Variants in CREB5 observed in about 807,000 individuals in gnomAD.
CREB5 encodes cAMP responsive element binding protein 5.
CREB5 carries 19 observed loss-of-function variants against 57.1 expected under a neutral mutation model. The observed-to-expected ratio is 0.33, with a 90% CI of 0.23 to 0.49. CREB5 has a LOEUF of 0.49. Among genes scored for constraint, CREB5 ranks in the 20% least tolerant of loss-of-function variants. The probability of loss-of-function intolerance (pLI) is 0.99; values close to 1 mark genes in which losing one functional copy is unlikely to be tolerated. For synonymous variants in CREB5, 238 were observed against 238.3 expected (o/e 1.00, Z 0.01); for missense variants, 579 against 671.6 (o/e 0.86, Z 1.52).
intron 5 of CREB5, among the ~76,000 whole-genome samples, chr7:28,658,360 C>T (rs1007332676): frequency 2.0e-5 from 3 of 152,168 alleles, no homozygotes; most frequent in Admixed American, 2.0e-4. Context: ...TCCTATCTAC[C>T]TCTGCCCATG....
At chr7:28,385,668 C>A (rs1413542476) in intron 1 of CREB5, among the ~76,000 whole-genome samples, 3 of 144,520 alleles carry the variant, frequency 2.1e-5, no homozygotes, top group African/African-American at 7.4e-5. Context: ...CAGAAAGAGA[C>A]CCTGTCTCAA....
At chr7:28,788,917 G>A (rs4722852) in intron 7 of CREB5, among the ~76,000 whole-genome samples, 38,217 of 151,768 alleles carry the variant, frequency 0.25, 4,946 homozygotes, top group African/African-American at 0.32. Flanking sequence ...CTCCCTAGAG[G>A]GAAATAAGAG....
intron 1 of CREB5, among the ~76,000 whole-genome samples, chr7:28,448,724 G>A (rs903363689): frequency 1.3e-5 from 2 of 152,354 alleles, no homozygotes; most frequent in African/African-American, 4.8e-5. Flanking sequence ...CACAGGAGGA[G>A]GAATTGACGA....
intron 3 of CREB5, among the ~76,000 whole-genome samples, chr7:28,495,963 G>A (rs924846126): frequency 2.0e-5 from 3 of 150,980 alleles, no homozygotes; most frequent in Non-Finnish European, 4.4e-5. Context: ...GAGGTAGTAC[G>A]GCAAATTAGA....
chr7:28,630,212 A>G (rs1798151741), intron 5 of CREB5, among the ~76,000 whole-genome samples: 1 of 152,144 alleles, frequency 6.6e-6, no homozygotes, highest in South Asian at 2.1e-4. Flanking sequence ...AAGCCCATCA[A>G]TCTCTTCTCC....
intron 1 of CREB5, among the ~76,000 whole-genome samples, chr7:28,472,559 C>T (rs1470301831): frequency 6.6e-6 from 1 of 152,192 alleles, no homozygotes; most frequent in Non-Finnish European, 1.5e-5. Flanking sequence ...GCTAGGACAA[C>T]ATTCTTACTT....
chr7:28,600,296 G>C (rs1254888188), intron 5 of CREB5, among the ~76,000 whole-genome samples: 1 of 152,106 alleles, frequency 6.6e-6, no homozygotes, highest in East Asian at 1.9e-4. Flanking sequence ...AAAAACCATC[G>C]ACTGTCCTGA....
intron 5 of CREB5, among the ~76,000 whole-genome samples, chr7:28,643,756 G>GC (rs1478078632): frequency 3.6e-5 from 3 of 82,240 alleles, no homozygotes; most frequent in Non-Finnish European, 7.0e-5. Flanking sequence ...GGAGGTGGGG[G>GC]GGGGCGGAAG....
chr7:28,824,991 A>T lies in CREB5; in HGVS notation c.*5712A>T, dbSNP rs1583829652. 3 of 152,662 alleles carry T rather than the reference A, an allele frequency of 2.0e-5. No individual in the cohort carries two copies. The South Asian group carries it at 6.2e-4, about 32-fold the overall frequency. 9.5% of individuals were successfully genotyped at this position (152,662 alleles called of 1,614,324 possible). A position where few individuals can be genotyped will look rare whatever the true frequency, so the allele number is the denominator to read the frequency against. ...TCTAAGCCATTTAAGATATTCTTAC[A>T]TTGAGCTTCATATTATAGAACTTTA... On this transcript the variant is annotated 3_prime_UTR_variant, in exon 11 of 11. Transcript: ENST00000357727.
intron 7 of CREB5, among the ~76,000 whole-genome samples, chr7:28,786,881 T>C (rs1807361084): frequency 6.6e-6 from 1 of 152,162 alleles, no homozygotes; most frequent in African/African-American, 2.4e-5. Flanking sequence ...GACAAGAGAA[T>C]GTCAGGGCTA....
At chr7:28,733,975 T>C (rs1199755531) in intron 7 of CREB5, among the ~76,000 whole-genome samples, 1 of 152,050 alleles carries the variant, frequency 6.6e-6, no homozygotes, top group East Asian at 1.9e-4. Context: ...GATAAGTAGG[T>C]GGGATAGAGA....
intron 5 of CREB5, 35 bp from the exon 6 acceptor site, chr7:28,718,718 G>T: frequency 1.2e-6 from 2 of 1,609,970 alleles, no homozygotes; most frequent in Non-Finnish European, 8.5e-7. Flanking sequence ...CAGGGCACCA[G>T]GAATCATGTT....
At chr7:28,359,431 T>C (rs76175557) in intron 1 of CREB5, among the ~76,000 whole-genome samples, 27,886 of 152,154 alleles carry the variant, frequency 0.18, 3,297 homozygotes, top group Non-Finnish European at 0.25. Context: ...TTACGGCCAA[T>C]TGATTTTTGA....
chr7:28,560,821 T>C lies in CREB5; in HGVS notation c.292-9544T>C, dbSNP rs13245468. Among the ~76,000 whole-genome samples the C allele has an allele frequency of 2.6e-3, 154 of 60,324 alleles. 39 individuals carry two copies. The highest frequency in any genetic ancestry group is 8.8e-3 in the Middle Eastern group (1 of 114). 39.6% of individuals were successfully genotyped at this position (60,324 alleles called of 152,430 possible). On this transcript the variant is annotated intron_variant, in intron 4 of 10. Transcript: ENST00000357727. Reference sequence around the variant, plus strand: ...CAGTGTGTGTGCGCGTGTGTGTGTGTGCGCGCGCGCGCGTGTGTGTGTGCG... The same window carrying C: ...CAGTGTGTGTGCGCGTGTGTGTGTGCGCGCGCGCGCGCGTGTGTGTGTGCG...
Position 28,433,514 on chromosome 7 carries a change from G to A in CREB5, c.3+20597G>A, listed in dbSNP as rs186142419. On this transcript the variant is annotated intron_variant, in intron 1 of 10. Coordinates refer to ENST00000357727, the MANE Select transcript of CREB5 (RefSeq NM_182898.4). ...CTATCAAAATTTACAATTTAAAAAT[G>A]CTTTTTAAGATAGGGTCTGTCTATG... Among the ~76,000 whole-genome samples the A allele has an allele frequency of 3.9e-3, 589 of 152,158 alleles. 5 individuals are homozygous for A. Among genetic ancestry groups the A allele is most frequent in the Middle Eastern group, 6.8e-3 (2 of 294 alleles).
chr7:28,752,676 A>G (rs990519933), intron 7 of CREB5, among the ~76,000 whole-genome samples: 2 of 152,242 alleles, frequency 1.3e-5, no homozygotes, highest in Non-Finnish European at 2.9e-5. Context: ...CATTTAACAT[A>G]GGGCCTGTCT....
intron 4 of CREB5, among the ~76,000 whole-genome samples, chr7:28,540,917 T>C (rs1051331102): frequency 2.0e-5 from 3 of 152,184 alleles, no homozygotes; most frequent in Non-Finnish European, 4.4e-5. Context: ...CTGAATTAAT[T>C]GATGCTCTTC....
chr7:28,560,813 TGTGTGTGTGCGCGCGCGC>T (rs1795070285), intron 4 of CREB5, among the ~76,000 whole-genome samples: 1 of 59,942 alleles, frequency 1.7e-5, no homozygotes, highest in African/African-American at 4.2e-5. Context: ...TGTGCGCGTG[TGTGTGTGTGCGCGCGCGC>T]GCGTGTGTGT....
At chr7:28,530,879 C>T (rs574110968) in intron 4 of CREB5, among the ~76,000 whole-genome samples, 3 of 152,316 alleles carry the variant, frequency 2.0e-5, no homozygotes, top group Non-Finnish European at 4.4e-5. Flanking sequence ...CTTATTAAGA[C>T]AAGATCTTCT....
Sources: gnomAD v4.1 joint callset for allele counts (sites outside exome capture counted in the v4.1 genomes callset) on GRCh38, gnomAD v4.1.1 for gene constraint, MANE v1.5 for transcripts, NCBI Gene and HGNC (gene_info 2026-07-23, HGNC 2026-07-21) for gene names.